ITGA1: variants seen among roughly 807,000 people sequenced by gnomAD.
ITGA1 encodes the protein integrin subunit alpha 1.
ITGA1 carries 85 observed loss-of-function variants against 145.9 expected under a neutral mutation model. That is an observed-to-expected ratio of 0.58 (90% CI 0.49 to 0.70). The LOEUF (loss-of-function observed/expected upper bound fraction) is 0.70, where lower values mean the gene tolerates loss of function less well. ITGA1 is among the 30% of genes least tolerant of loss of function. The probability of loss-of-function intolerance (pLI) is 0.00; values close to 1 mark genes in which losing one functional copy is unlikely to be tolerated. For missense variants in ITGA1, 1,351 were observed against 1,418.7 expected (o/e 0.95, Z 0.77); for synonymous variants, 520 against 495.3 (o/e 1.05, Z -0.66).
intron 1 of ITGA1, among the ~76,000 whole-genome samples, chr5:52,811,884 A>G (rs1221345222): frequency 6.6e-6 from 1 of 152,204 alleles, no homozygotes; most frequent in Non-Finnish European, 1.5e-5. Context: ...TTCTCAAACC[A>G]GGCGGCACCA....
chr5:52,898,481 G>T, intron 11 of ITGA1, 98 bp downstream of exon 11: 1 of 1,090,796 alleles, frequency 9.2e-7, no homozygotes, highest in Non-Finnish European at 1.3e-6. Flanking sequence ...CAACCATATA[G>T]CAGGATTATT....
chr5:52,888,096 T>C, intron 8 of ITGA1, 131 bp downstream of exon 8: 1 of 884,100 alleles, frequency 1.1e-6, no homozygotes, highest in Non-Finnish European at 1.7e-6. Context: ...AGGTAAGCCC[T>C]GGGAGGACAG....
At chr5:52,884,614 G>A (rs1750019011) in intron 7 of ITGA1, among the ~76,000 whole-genome samples, 1 of 152,204 alleles carries the variant, frequency 6.6e-6, no homozygotes, top group South Asian at 2.1e-4. Context: ...GTGAGGACAA[G>A]TGGGCATTTA....
At chr5:52,951,503 C>T (rs1036940610) in intron 28 of ITGA1, among the ~76,000 whole-genome samples, 1 of 152,122 alleles carries the variant, frequency 6.6e-6, no homozygotes, top group Non-Finnish European at 1.5e-5. Flanking sequence ...CCATCCACCA[C>T]GATGTGAAAT....
intron 1 of ITGA1, chr5:52,800,377 T>C (rs762152336): frequency 1.2e-6 from 2 of 1,613,336 alleles, no homozygotes; most frequent in Non-Finnish European, 1.7e-6. Flanking sequence ...GTTCTGTCAG[T>C]GAGCCCCTTC....
chr5:52,926,398 C>T (rs1479107504), intron 19 of ITGA1, among the ~76,000 whole-genome samples: 1 of 151,972 alleles, frequency 6.6e-6, no homozygotes, highest in African/African-American at 2.4e-5. Flanking sequence ...GTCAGGAGAT[C>T]GAGACCATCC....
Position 52,933,925 on chromosome 5 carries a change from G to A in ITGA1, c.2893G>A (p.Ala965Thr). ...SASEYHISIA[A>T]NETVPEVINS... ...AAGTGAATACCACATTTCAATTGCT[G>A]CCAATGAGACAGTCCCTGAAGTTAT... Residue 965 changes from alanine to threonine, a missense_variant, in exon 23 of 29, where the codon GCC becomes ACC. By Grantham distance (58) the Ala-to-Thr change is moderately conservative (BLOSUM62 0). Transcript: ENST00000282588. 6.5e-7 allele frequency: 1 copy of A among 1,534,062 alleles called. No individual in the cohort carries two copies. The highest frequency in any genetic ancestry group is 1.3e-5 in the South Asian group (1 of 76,774).
chr5:52,943,556 G>A (rs571495521), intron 26 of ITGA1, among the ~76,000 whole-genome samples: 2 of 152,352 alleles, frequency 1.3e-5, no homozygotes, highest in African/African-American at 4.8e-5. Flanking sequence ...GTGCTCTGCA[G>A]TGGGTAGGGA....
intron 7 of ITGA1, among the ~76,000 whole-genome samples, chr5:52,883,354 C>A (rs1489307564): frequency 6.6e-6 from 1 of 152,178 alleles, no homozygotes; most frequent in Non-Finnish European, 1.5e-5. Flanking sequence ...TTTGCTTCTG[C>A]ATAAATACGG....
intron 14 of ITGA1, among the ~76,000 whole-genome samples, chr5:52,915,148 T>G (rs1218586052): frequency 3.3e-5 from 5 of 152,176 alleles, no homozygotes; most frequent in Non-Finnish European, 7.3e-5. Flanking sequence ...GTGATGGGAT[T>G]GGCTAGGAAG....
chr5:52,928,195 G>A (rs1750841796), intron 20 of ITGA1, among the ~76,000 whole-genome samples: 1 of 152,148 alleles, frequency 6.6e-6, no homozygotes, highest in African/African-American at 2.4e-5. Context: ...TCTTACACAG[G>A]CAAACTCGAA....
intron 6 of ITGA1, among the ~76,000 whole-genome samples, chr5:52,868,257 A>G (rs1749719310): frequency 6.6e-6 from 1 of 152,132 alleles, no homozygotes; most frequent in African/African-American, 2.4e-5. Flanking sequence ...AAATTAATTT[A>G]TTTGTAGCTA....
intron 6 of ITGA1, among the ~76,000 whole-genome samples, chr5:52,878,183 C>T (rs1461724410): frequency 6.6e-6 from 1 of 152,072 alleles, no homozygotes; most frequent in Non-Finnish European, 1.5e-5. Flanking sequence ...TTTTTTCAGT[C>T]TTTGGGGTAA....
intron 26 of ITGA1, among the ~76,000 whole-genome samples, chr5:52,942,632 G>T (rs538989038): frequency 6.7e-6 from 1 of 150,010 alleles, no homozygotes; most frequent in African/African-American, 2.5e-5. Flanking sequence ...CCGGGTTCAC[G>T]CCATTCTCTT....
At chr5:52,890,113 G>A (rs980551060) in intron 8 of ITGA1, among the ~76,000 whole-genome samples, 7 of 152,104 alleles carry the variant, frequency 4.6e-5, no homozygotes, top group African/African-American at 1.4e-4. Context: ...CACCCAAATT[G>A]AGAGCTAGCT....
intron 1 of ITGA1, chr5:52,801,961 A>G: frequency 1.5e-6 from 1 of 689,224 alleles, no homozygotes; most frequent in Non-Finnish European, 2.4e-6. Context: ...GGGATTTCTT[A>G]TGTCTTTGGC....
At chr5:52,823,638 C>T (rs1332787059) in intron 1 of ITGA1, among the ~76,000 whole-genome samples, 3 of 152,196 alleles carry the variant, frequency 2.0e-5, no homozygotes, top group Non-Finnish European at 4.4e-5. Context: ...CTGCTGTAGG[C>T]AGAACCCACA....
Position 52,851,431 on chromosome 5 carries a change from C to G in ITGA1, c.182+1946C>G, listed in dbSNP as rs534508784. On this transcript the variant is annotated intron_variant, in intron 2 of 28. Transcript: ENST00000282588. ...CTCTAAATTCTACAGTCCCTCCTTT[C>G]AAGGCACCAGAAGTCAAAGCAATGG... is the stretch of plus-strand genomic sequence containing the variant. Among the ~76,000 whole-genome samples the G allele has an allele frequency of 2.6e-5, 4 of 152,252 alleles. No individual in the cohort carries two copies. In the South Asian group the frequency reaches 6.2e-4, roughly 24 times the overall value.
chr5:52,927,743 C>T (rs1750833686), intron 20 of ITGA1, 79 bp downstream of exon 20: 5 of 925,900 alleles, frequency 5.4e-6, no homozygotes. Flanking sequence ...TAAATCCTTC[C>T]AATGGTAGTT....
Sources: gnomAD v4.1 joint callset for allele counts (sites outside exome capture counted in the v4.1 genomes callset) on GRCh38, gnomAD v4.1.1 for gene constraint, MANE v1.5 for transcripts, NCBI Gene and HGNC (gene_info 2026-07-23, HGNC 2026-07-21) for gene names.